The following RAPGEF2 variants were observed in gnomAD, a reference collection of about 807,000 sequenced individuals.
The protein encoded by RAPGEF2 is Rap guanine nucleotide exchange factor 2, also known as PDZ domain containing guanine nucleotide exchange factor (GEF) 1.
Under a neutral mutation model 186.7 loss-of-function variants are expected in RAPGEF2, and 54 were observed. The observed-to-expected ratio is 0.29, with a 90% CI of 0.23 to 0.36. RAPGEF2 has a LOEUF of 0.36. Ranked by LOEUF, RAPGEF2 falls within the 10% of genes least tolerant of loss-of-function variation. RAPGEF2 has a pLI of 1.00. For missense variants in RAPGEF2, 1,532 were observed against 2,045.0 expected (o/e 0.75, Z 4.84); for synonymous variants, 712 against 705.9 (o/e 1.01, Z -0.14).
At position 159,351,002 on chromosome 4, in the gene RAPGEF2, T is replaced by C; in HGVS notation, c.3865+713T>C. ...TCTGTGCATTTTGTATGGGTATCAGTCTCTCCTGTCCTTGTTACATGGATG... is the reference window on the plus strand; with the variant it reads ...TCTGTGCATTTTGTATGGGTATCAGCCTCTCCTGTCCTTGTTACATGGATG... On this transcript the variant is annotated intron_variant, in intron 26 of 29. Transcript: ENST00000691494. 2.0e-6 allele frequency: 3 copies of C among 1,466,918 alleles called. No homozygotes were observed. In the East Asian group the frequency reaches 7.4e-5, roughly 36 times the overall value. 90.9% of individuals were successfully genotyped at this position (1,466,918 alleles called of 1,614,324 possible). A position where few individuals can be genotyped will look rare whatever the true frequency, so the allele number is the denominator to read the frequency against.
intron 1 of RAPGEF2, among the ~76,000 whole-genome samples, chr4:159,166,503 A>G (rs1745335245): frequency 6.6e-6 from 1 of 152,166 alleles, no homozygotes; most frequent in African/African-American, 2.4e-5. Flanking sequence ...GTGGGATTTT[A>G]GTCTCATTAC....
At chr4:159,196,305 T>G (rs1174153040) in intron 3 of RAPGEF2, among the ~76,000 whole-genome samples, 2 of 152,226 alleles carry the variant, frequency 1.3e-5, no homozygotes, top group East Asian at 3.8e-4. Flanking sequence ...TTTGTGATAA[T>G]AATAGTACTC....
At chr4:159,313,124 G>T (rs1764144298) in intron 8 of RAPGEF2, among the ~76,000 whole-genome samples, 1 of 151,930 alleles carries the variant, frequency 6.6e-6, no homozygotes, top group Non-Finnish European at 1.5e-5. Flanking sequence ...CTCCAGCCTG[G>T]GCAACAGAGC....
intron 17 of RAPGEF2, 146 bp downstream of exon 17, chr4:159,332,843 C>A (rs1398877505): frequency 1.2e-5 from 12 of 974,184 alleles, no homozygotes; most frequent in Non-Finnish European, 1.7e-5. Flanking sequence ...ATTAAACAAT[C>A]AAATTTGTTT....
chr4:159,173,756 TTC>T (rs1218022171), intron 1 of RAPGEF2, among the ~76,000 whole-genome samples: 1 of 152,200 alleles, frequency 6.6e-6, no homozygotes, highest in Non-Finnish European at 1.5e-5. Context: ...CGCAGCTGAT[TTC>T]TGTTTTTGGT....
intron 13 of RAPGEF2, 107 bp from the exon 14 acceptor site, chr4:159,331,324 A>C: frequency 1.6e-6 from 1 of 623,740 alleles, no homozygotes; most frequent in Non-Finnish European, 2.8e-6. Flanking sequence ...TTTCCTGTTT[A>C]TTATTATTAG....
In RAPGEF2 at chr4:159,277,871, A is replaced by G. The variant is rs574305600; in HGVS notation, c.544-26471A>G. ...TTGCAAAAATTTTCTCCCGTTCTGT[A>G]GGTTGCCTGTTCACTCTGATGGTAG... On this transcript the variant is annotated intron_variant, in intron 7 of 29. Transcript: ENST00000691494. Among the ~76,000 whole-genome samples the G allele has an allele frequency of 2.0e-5, 3 of 152,226 alleles. No individual in the cohort carries two copies. The South Asian group carries it at 6.2e-4, about 32-fold the overall frequency.
At chr4:159,299,528 C>T (rs1290139292) in intron 7 of RAPGEF2, among the ~76,000 whole-genome samples, 3 of 151,642 alleles carry the variant, frequency 2.0e-5, no homozygotes, top group East Asian at 3.9e-4. Flanking sequence ...ACAGATGCTG[C>T]GCTATATCAA....
chr4:159,197,973 C>T (rs145414673), intron 3 of RAPGEF2, among the ~76,000 whole-genome samples: 62 of 152,296 alleles, frequency 4.1e-4, no homozygotes, highest in Middle Eastern at 3.4e-3. Context: ...CTTCCTGCCG[C>T]GTTTCTGAGA....
At chr4:159,258,249 G>A (rs1756414236) in intron 7 of RAPGEF2, among the ~76,000 whole-genome samples, 2 of 152,160 alleles carry the variant, frequency 1.3e-5, no homozygotes, top group African/African-American at 4.8e-5. Context: ...GAAATTAGGT[G>A]TGTGTTTTGT....
intron 2 of RAPGEF2, 109 bp from the exon 3 acceptor site, chr4:159,193,091 C>T (rs1267687832): frequency 2.1e-6 from 1 of 477,404 alleles, no homozygotes; most frequent in East Asian, 3.5e-5. Context: ...TTGTGACAAA[C>T]CATATAAAAT....
chr4:159,186,823 A>G (rs1328249958), intron 2 of RAPGEF2, 111 bp downstream of exon 2: 6 of 579,258 alleles, frequency 1.0e-5, no homozygotes, highest in Admixed American at 3.5e-5. Flanking sequence ...ATAATTGTAC[A>G]TATTCGTGGG....
intron 13 of RAPGEF2, 141 bp downstream of exon 13, chr4:159,330,639 A>G (rs1766561940): frequency 3.3e-6 from 2 of 615,358 alleles, no homozygotes; most frequent in East Asian, 6.7e-5. Context: ...AAAAAAACAA[A>G]AAAACAAAAA....
At position 159,353,770 on chromosome 4, in the gene RAPGEF2, A is replaced by G. The variant is rs747556152; in HGVS notation, c.4375A>G (p.Ile1459Val). 8 of 1,614,042 alleles carry G rather than the reference A, an allele frequency of 5.0e-6. No individual in the cohort carries two copies. In the East Asian group the frequency reaches 1.6e-4, roughly 31 times the overall value. The part of the protein sequence containing the change: ...LWASSSHMDQ[I>V]MFSDHSTKYN... ...GGCATCAAGCAGCCATATGGACCAAATTATGTTTTCTGATCATAGCACAAA... is the reference window on the plus strand; with the variant it reads ...GGCATCAAGCAGCCATATGGACCAAGTTATGTTTTCTGATCATAGCACAAA... Residue 1459 changes from isoleucine to valine, a missense_variant, in exon 28 of 30, where the codon ATT (isoleucine) becomes GTT (valine). Transcript: ENST00000691494. The surrounding 1 kb of genome is among the most constrained non-coding windows in gnomAD (Gnocchi z 4.3).
chr4:159,238,978 G>T, intron 5 of RAPGEF2, 94 bp downstream of exon 5: 1 of 663,150 alleles, frequency 1.5e-6, no homozygotes, highest in South Asian at 4.3e-5. Flanking sequence ...GATTTTTGTT[G>T]AATAGAAAAT....
At chr4:159,172,442 A>G (rs1281719440) in intron 1 of RAPGEF2, among the ~76,000 whole-genome samples, 1 of 152,096 alleles carries the variant, frequency 6.6e-6, no homozygotes, top group Non-Finnish European at 1.5e-5. Flanking sequence ...ACTTCATAGG[A>G]TATTCACTCT....
At chr4:159,343,521 T>C (rs1354352812) in intron 22 of RAPGEF2, 117 bp downstream of exon 22, 2 of 1,313,340 alleles carry the variant, frequency 1.5e-6, no homozygotes, top group Admixed American at 2.3e-5. Context: ...GCAGAAATTA[T>C]AGTAGGATGT....
intron 7 of RAPGEF2, among the ~76,000 whole-genome samples, chr4:159,264,598 A>G (rs1315375474): frequency 2.0e-5 from 3 of 152,200 alleles, no homozygotes; most frequent in Non-Finnish European, 2.9e-5. Flanking sequence ...TATAAGTAAC[A>G]TTAAAATTTA....
At chr4:159,159,374 A>C (rs1339206934) in intron 1 of RAPGEF2, among the ~76,000 whole-genome samples, 1 of 151,914 alleles carries the variant, frequency 6.6e-6, no homozygotes, top group Non-Finnish European at 1.5e-5. Context: ...TGATTTAAGT[A>C]CATATAGTGG....
Sources: allele counts gnomAD v4.1 joint callset (sites outside exome capture counted in the v4.1 genomes callset), GRCh38; gene constraint gnomAD v4.1.1; non-coding constraint Gnocchi (gnomAD v3.1); transcripts MANE v1.5; gene names NCBI Gene and HGNC (gene_info 2026-07-23, HGNC 2026-07-21).